Variants in ENOX1 observed in about 807,000 individuals in gnomAD.
ENOX1 encodes ecto-NOX disulfide-thiol exchanger 1.
In ENOX1, 42 loss-of-function variants were observed where a neutral mutation model predicts 82.5. The ratio of observed to expected loss-of-function variants is 0.51; its 90% CI spans 0.40 to 0.66. ENOX1 has a LOEUF of 0.66. Ranked by LOEUF, ENOX1 falls within the 30% of genes least tolerant of loss-of-function variation. The pLI is 0.00. For synonymous variants in ENOX1, 271 were observed against 282.2 expected, an observed-to-expected ratio of 0.96 and a Z score of 0.40; for missense variants, 608 against 811.6, an observed-to-expected ratio of 0.75 and a Z score of 3.05.
At chr13:43,303,808 G>A (rs1237794617) in intron 11 of ENOX1, among the ~76,000 whole-genome samples, 1 of 152,144 alleles carries the variant, frequency 6.6e-6, no homozygotes, top group South Asian at 2.1e-4. Context: ...CCTACCCTCA[G>A]TTTCCAGTTC....
At chr13:43,685,873 AACAC>A (rs60259011) in intron 1 of ENOX1, among the ~76,000 whole-genome samples, 3,795 of 141,492 alleles carry the variant, frequency 0.027, 120 homozygotes, top group African/African-American at 0.083. Flanking sequence ...CCCAGAAGGA[AACAC>A]ACACACACAC....
At chr13:43,444,476 C>G (rs2056520897) in intron 3 of ENOX1, among the ~76,000 whole-genome samples, 1 of 152,098 alleles carries the variant, frequency 6.6e-6, no homozygotes, top group African/African-American at 2.4e-5. Context: ...CTGGGACATC[C>G]CTTGTCTTCA....
intron 2 of ENOX1, among the ~76,000 whole-genome samples, chr13:43,659,307 G>A (rs918296520): frequency 1.3e-5 from 2 of 151,964 alleles, no homozygotes; most frequent in African/African-American, 4.8e-5. Flanking sequence ...TGGCCAACAT[G>A]GTGAAACCCC....
intron 2 of ENOX1, among the ~76,000 whole-genome samples, chr13:43,497,392 TCA>T (rs1392060803): frequency 6.6e-6 from 1 of 152,188 alleles, no homozygotes; most frequent in Non-Finnish European, 1.5e-5. Context: ...TGAAGGTTTT[TCA>T]CAGATTCCCT....
Position 43,786,246 on chromosome 13 carries a change from C to T in ENOX1, c.-285+406G>A, listed in dbSNP as rs1952607589. Reference sequence around the variant, plus strand: ...AGCGGGAACACTGTGTGGGCAGGAACGGGTCCCGGGGGCGACGCCCGCAGG... The same window carrying T: ...AGCGGGAACACTGTGTGGGCAGGAATGGGTCCCGGGGGCGACGCCCGCAGG... On this transcript the variant is annotated intron_variant, in intron 1 of 16. Coordinates refer to ENST00000690772, the MANE Select transcript of ENOX1 (RefSeq NM_001347969.2). The surrounding 1 kb of genome is among the most constrained non-coding windows in gnomAD (Gnocchi z 6.0). Among the ~76,000 whole-genome samples, 1 of 152,234 alleles carries T rather than the reference C, an allele frequency of 6.6e-6. No individual in the cohort carries two copies. The highest frequency in any genetic ancestry group is 2.4e-5 in the African/African-American group (1 of 41,558).
At chr13:43,262,838 C>T (rs1345664648) in intron 14 of ENOX1, among the ~76,000 whole-genome samples, 3 of 152,180 alleles carry the variant, frequency 2.0e-5, no homozygotes, top group Non-Finnish European at 4.4e-5. Flanking sequence ...GTACTCTAGG[C>T]TTGGTGTTAA....
At chr13:43,498,697 T>C (rs532171670) in intron 2 of ENOX1, among the ~76,000 whole-genome samples, 2 of 151,998 alleles carry the variant, frequency 1.3e-5, no homozygotes, top group South Asian at 4.1e-4. Context: ...CAGGCAAAAC[T>C]CAATGATGAA....
At chr13:43,458,583 A>C (rs908329230) in intron 3 of ENOX1, 11 of 152,208 alleles carry the variant, frequency 7.2e-5, no homozygotes, top group Non-Finnish European at 1.5e-4. Flanking sequence ...ATATTAAGAA[A>C]ATCATTATAT....
chr13:43,715,715 T>C (rs991797686), intron 1 of ENOX1, among the ~76,000 whole-genome samples: 15 of 152,222 alleles, frequency 9.9e-5, no homozygotes, highest in Non-Finnish European at 2.1e-4. Flanking sequence ...ATTTCATTCA[T>C]TTCGTCTTCC....
intron 1 of ENOX1, among the ~76,000 whole-genome samples, chr13:43,726,115 T>C (rs1459388375): frequency 1.3e-5 from 2 of 152,006 alleles, no homozygotes; most frequent in African/African-American, 4.8e-5. Flanking sequence ...AAAAATAAAG[T>C]GTGACCATAA....
intron 2 of ENOX1, among the ~76,000 whole-genome samples, chr13:43,553,729 G>C (rs1231291084): frequency 1.3e-5 from 2 of 152,154 alleles, no homozygotes; most frequent in East Asian, 1.9e-4. Context: ...AGAGTATTGT[G>C]AGAATAAAGT....
chr13:43,591,216 A>C (rs2081232224), intron 2 of ENOX1, among the ~76,000 whole-genome samples: 1 of 152,244 alleles, frequency 6.6e-6, no homozygotes, highest in Non-Finnish European at 1.5e-5. Context: ...CAAAATAAAA[A>C]TAAAAAACCC....
At chr13:43,304,053 G>A (rs577555769) in intron 11 of ENOX1, among the ~76,000 whole-genome samples, 5 of 152,278 alleles carry the variant, frequency 3.3e-5, no homozygotes, top group South Asian at 2.1e-4. Flanking sequence ...TATGAGCCCC[G>A]ACTCCATGTT....
At chr13:43,286,956 G>A (rs2045731152) in intron 12 of ENOX1, among the ~76,000 whole-genome samples, 1 of 152,152 alleles carries the variant, frequency 6.6e-6, no homozygotes, top group South Asian at 2.1e-4. Flanking sequence ...CTGCTGTCTT[G>A]ATGACTGCAG....
At chr13:43,292,185 T>C (rs924986571) in intron 12 of ENOX1, among the ~76,000 whole-genome samples, 1 of 152,190 alleles carries the variant, frequency 6.6e-6, no homozygotes, top group Non-Finnish European at 1.5e-5. Flanking sequence ...TCCTACTTAG[T>C]ATTCTTAAAA....
chr13:43,313,154 C>T (rs567789982), intron 11 of ENOX1, among the ~76,000 whole-genome samples: 3 of 152,246 alleles, frequency 2.0e-5, no homozygotes, highest in East Asian at 3.9e-4. Context: ...TTTCCACTTA[C>T]GATCTTGGGT....
intron 14 of ENOX1, among the ~76,000 whole-genome samples, chr13:43,241,029 A>C (rs1182910914): frequency 6.6e-6 from 1 of 152,204 alleles, no homozygotes; most frequent in Non-Finnish European, 1.5e-5. Context: ...TGAAGCCAAA[A>C]TTCTTCTGGG....
chr13:43,375,674 G>A (rs1013984071), intron 5 of ENOX1, among the ~76,000 whole-genome samples: 2 of 152,176 alleles, frequency 1.3e-5, no homozygotes, highest in Admixed American at 6.5e-5. Context: ...CTCAGTGAAA[G>A]TATCTATCTA....
intron 2 of ENOX1, among the ~76,000 whole-genome samples, chr13:43,596,339 C>T (rs532541006): frequency 9.2e-5 from 14 of 152,326 alleles, no homozygotes; most frequent in African/African-American, 3.4e-4. Context: ...TTTTTCACCA[C>T]TTAAAAACAA....
Sources: allele counts gnomAD v4.1 joint callset (sites outside exome capture counted in the v4.1 genomes callset), GRCh38; gene constraint gnomAD v4.1.1; non-coding constraint Gnocchi (gnomAD v3.1); transcripts MANE v1.5; gene names NCBI Gene and HGNC (gene_info 2026-07-23, HGNC 2026-07-21).